SLCO3A1: variants seen among roughly 807,000 people sequenced by gnomAD.
SLCO3A1 encodes PGE1 transporter.
A neutral mutation model predicts 63.1 loss-of-function variants in SLCO3A1; 27 were observed. The observed-to-expected ratio is 0.43, with a 90% CI of 0.32 to 0.59. The LOEUF is 0.59. Among genes scored for constraint, SLCO3A1 ranks in the 20% least tolerant of loss-of-function variants. SLCO3A1 has a pLI of 0.09. For missense variants in SLCO3A1, 773 were observed against 945.8 expected (o/e 0.82, Z 2.40); for synonymous variants, 473 against 409.9 (o/e 1.15, Z -1.86).
At chr15:92,037,421 G>A (rs998432280) in intron 2 of SLCO3A1, among the ~76,000 whole-genome samples, 9 of 152,096 alleles carry the variant, frequency 5.9e-5, no homozygotes, top group East Asian at 1.9e-4. Flanking sequence ...CCAGATCCCC[G>A]ACTCTAAATC....
intron 2 of SLCO3A1, among the ~76,000 whole-genome samples, chr15:92,058,512 A>G (rs1295183964): frequency 2.0e-5 from 3 of 152,086 alleles, no homozygotes; most frequent in Non-Finnish European, 4.4e-5. Context: ...GCTACACCCC[A>G]CTGGATGACC....
intron 2 of SLCO3A1, among the ~76,000 whole-genome samples, chr15:91,958,204 T>C (rs1248522124): frequency 6.6e-6 from 1 of 152,248 alleles, no homozygotes; most frequent in African/African-American, 2.4e-5. Flanking sequence ...ATGTTATTGG[T>C]GAGGCTTCCA....
chr15:91,993,414 A>G (rs900477434), intron 2 of SLCO3A1, among the ~76,000 whole-genome samples: 1 of 152,236 alleles, frequency 6.6e-6, no homozygotes, highest in East Asian at 1.9e-4. Flanking sequence ...ATAATGACTT[A>G]GAGTAGAAAT....
chr15:92,028,599 A>G (rs2046605470), intron 2 of SLCO3A1, among the ~76,000 whole-genome samples: 1 of 152,158 alleles, frequency 6.6e-6, no homozygotes, highest in African/African-American at 2.4e-5. Flanking sequence ...AGCCCAGCCA[A>G]TCCAATCAGG....
intron 2 of SLCO3A1, among the ~76,000 whole-genome samples, chr15:91,988,081 G>A (rs552092646): frequency 6.6e-6 from 1 of 152,114 alleles, no homozygotes; most frequent in African/African-American, 2.4e-5. Context: ...CTTTTCTAGG[G>A]GCTGATAGCA....
chr15:92,001,133 G>T (rs1475353891), intron 2 of SLCO3A1, among the ~76,000 whole-genome samples: 2 of 131,366 alleles, frequency 1.5e-5, no homozygotes, highest in Non-Finnish European at 3.1e-5. Context: ...AAGAAAAAAA[G>T]AAAAATTTAC....
intron 2 of SLCO3A1, among the ~76,000 whole-genome samples, chr15:91,952,984 C>G (rs55713569): frequency 0.061 from 9,331 of 152,198 alleles, 377 homozygotes; most frequent in Non-Finnish European, 0.087. Context: ...GACAAGGTGG[C>G]ACAAAGTTGC....
At chr15:92,054,607 C>T (rs2046999978) in intron 2 of SLCO3A1, among the ~76,000 whole-genome samples, 1 of 152,052 alleles carries the variant, frequency 6.6e-6, no homozygotes. Flanking sequence ...TCCCTCCACC[C>T]ACCCCCGCCC....
intron 2 of SLCO3A1, among the ~76,000 whole-genome samples, chr15:92,089,554 C>T (rs1256585212): frequency 2.0e-5 from 3 of 152,140 alleles, no homozygotes; most frequent in African/African-American, 7.2e-5. Flanking sequence ...CTGTTGCTGA[C>T]ATAGTCCTAG....
At position 92,062,362 on chromosome 15, in the gene SLCO3A1, G is replaced by A. The variant is rs140539302; in HGVS notation, c.647-32519G>A. 7.6e-4 allele frequency among the ~76,000 whole-genome samples: 115 copies of A among 152,306 alleles called. 1 individual carries two copies. Among genetic ancestry groups the A allele is most frequent in the African/African-American group, 2.5e-3 (104 of 41,568 alleles). On this transcript the variant is annotated intron_variant, in intron 2 of 9. Transcript: ENST00000318445. ...AGTCGGGTCAGTCATCCTGGGAAAA[G>A]CAAGGATTCAGTGGCCTGAATCATG...
intron 2 of SLCO3A1, among the ~76,000 whole-genome samples, chr15:92,010,345 G>A (rs893179932): frequency 3.9e-5 from 6 of 152,170 alleles, no homozygotes; most frequent in East Asian, 3.9e-4. Context: ...GGTGATGCAC[G>A]TTAACATATT....
chr15:92,023,486 A>G (rs1445159391), intron 2 of SLCO3A1, among the ~76,000 whole-genome samples: 3 of 149,940 alleles, frequency 2.0e-5, no homozygotes, highest in African/African-American at 7.4e-5. Context: ...TTTTTTTTTT[A>G]AGACAGTGTC....
intron 1 of SLCO3A1, among the ~76,000 whole-genome samples, chr15:91,880,161 C>CTAT (rs1567168722): frequency 0.022 from 3,291 of 148,510 alleles, 122 homozygotes; most frequent in African/African-American, 0.077. Context: ...ATCCATCCAT[C>CTAT]CATCCATCCA....
rs1231952376 is a variant in SLCO3A1 at position 92,033,969 on chromosome 15, G to C, written c.647-60912G>C. Among the ~76,000 whole-genome samples, 1 of 152,066 alleles carries C rather than the reference G, an allele frequency of 6.6e-6. No individual in the cohort carries two copies. The highest frequency in any genetic ancestry group is 1.5e-5 in the Non-Finnish European group (1 of 68,016). ...ACCCAGTGAGGGAGGGGGAGGAGCA[G>C]AATGAATGGGGGCGCCATGGCAGAT... On this transcript the variant is annotated intron_variant, in intron 2 of 9. Transcript: ENST00000318445. The surrounding 1 kb of genome is among the most constrained non-coding windows in gnomAD (Gnocchi z 4.5).
intron 2 of SLCO3A1, among the ~76,000 whole-genome samples, chr15:91,940,388 A>C (rs371284961): frequency 1.1e-4 from 16 of 152,208 alleles, no homozygotes; most frequent in African/African-American, 3.1e-4. Context: ...GCTTTTATGG[A>C]AGAGGGGATC....
chr15:91,936,101 C>A (rs529665079), intron 2 of SLCO3A1, among the ~76,000 whole-genome samples: 5 of 152,242 alleles, frequency 3.3e-5, no homozygotes, highest in Non-Finnish European at 7.4e-5. Context: ...TTAGCTTCCT[C>A]CCAGATACAA....
chr15:91,978,539 T>A (rs1901207214), intron 2 of SLCO3A1, among the ~76,000 whole-genome samples: 1 of 152,210 alleles, frequency 6.6e-6, no homozygotes. Flanking sequence ...TTGGCGTCTG[T>A]TCTGTATTCA....
intron 2 of SLCO3A1, among the ~76,000 whole-genome samples, chr15:91,933,287 T>G (rs1410215512): frequency 6.6e-6 from 1 of 152,242 alleles, no homozygotes; most frequent in Non-Finnish European, 1.5e-5. Context: ...TATATAATTA[T>G]GTAAGCTATT....
At chr15:92,032,088 C>A (rs867474229) in intron 2 of SLCO3A1, among the ~76,000 whole-genome samples, 1 of 152,200 alleles carries the variant, frequency 6.6e-6, no homozygotes, top group African/African-American at 2.4e-5. Context: ...AGTCTACCCT[C>A]ATTCTTGGAC....
Sources: gnomAD v4.1 joint callset for allele counts (sites outside exome capture counted in the v4.1 genomes callset) on GRCh38, gnomAD v4.1.1 for gene constraint, Gnocchi (gnomAD v3.1) non-coding constraint, MANE v1.5 for transcripts, NCBI Gene and HGNC (gene_info 2026-07-23, HGNC 2026-07-21) for gene names.